The following ZC3H12B variants were observed in gnomAD, a reference collection of about 807,000 sequenced individuals.
ZC3H12B encodes probable ribonuclease ZC3H12B.
In ZC3H12B, 7 loss-of-function variants were observed where a neutral mutation model predicts 43.9. That is an observed-to-expected ratio of 0.16 (90% confidence interval 0.09 to 0.30). The LOEUF is 0.30. Ranked by LOEUF, ZC3H12B falls within the 10% of genes least tolerant of loss-of-function variation. The pLI is 1.00. For missense variants in ZC3H12B, 475 were observed against 670.2 expected (o/e 0.71, Z 3.22); for synonymous variants, 222 against 241.7 (o/e 0.92, Z 0.76).
chrX:65,198,981 C>T, the ZC3H12B span, among the ~76,000 whole-genome samples: 2 of 110,508 alleles, frequency 1.8e-5, no homozygotes, highest in East Asian at 5.7e-4. Flanking sequence ...CATGCATCGT[C>T]ACCTCACCCA....
intron 3 of ZC3H12B, among the ~76,000 whole-genome samples, chrX:65,444,238 C>G (rs1267866916): frequency 8.9e-6 from 1 of 112,256 alleles, no homozygotes; most frequent in Non-Finnish European, 1.9e-5. Context: ...ATTTTAAACT[C>G]ATAACAACTT....
the ZC3H12B span, among the ~76,000 whole-genome samples, chrX:65,091,548 A>G: frequency 2.7e-5 from 3 of 112,280 alleles, no homozygotes; most frequent in South Asian, 1.1e-3. Context: ...TTTTTTAAAT[A>G]AACCTTTTGT....
chrX:65,088,649 G>A, the ZC3H12B span, among the ~76,000 whole-genome samples: 1 of 111,856 alleles, frequency 8.9e-6, no homozygotes, highest in African/African-American at 3.2e-5. Context: ...CTTCAAATTG[G>A]TAATTTTCAA....
the ZC3H12B span, among the ~76,000 whole-genome samples, chrX:65,173,500 A>G: frequency 2.0e-4 from 22 of 111,761 alleles, no homozygotes; most frequent in Non-Finnish European, 3.8e-4. Context: ...GTCTTGTGCC[A>G]GTTTTCAAAG....
chrX:65,123,191 G>A, the ZC3H12B span, among the ~76,000 whole-genome samples: 1 of 88,420 alleles, frequency 1.1e-5, no homozygotes, highest in Admixed American at 9.9e-5. Flanking sequence ...AAATCATGTG[G>A]TTTTTGTCTT....
chrX:65,251,147 T>A, the ZC3H12B span, among the ~76,000 whole-genome samples: 1 of 112,102 alleles, frequency 8.9e-6, no homozygotes, highest in South Asian at 3.7e-4. Flanking sequence ...GTTTCAGCTT[T>A]CTACATATGG....
At chrX:65,221,913 C>T in the ZC3H12B span, among the ~76,000 whole-genome samples, 1 of 110,405 alleles carries the variant, frequency 9.1e-6, no homozygotes, top group South Asian at 3.8e-4. Context: ...AATTACAGAC[C>T]AATATTCCTG....
At chrX:65,424,251 C>T (rs773617234) in intron 3 of ZC3H12B, among the ~76,000 whole-genome samples, 6 of 112,041 alleles carry the variant, frequency 5.4e-5, no homozygotes, top group East Asian at 5.6e-4. Flanking sequence ...GTTTGTTAGC[C>T]GTACATACAC....
chrX:65,335,064 C>T, the ZC3H12B span, among the ~76,000 whole-genome samples: 2 of 111,622 alleles, frequency 1.8e-5, no homozygotes, highest in Non-Finnish European at 3.8e-5. Flanking sequence ...ATATTTCCTA[C>T]CTAGTTATTA....
the ZC3H12B span, among the ~76,000 whole-genome samples, chrX:65,090,510 C>T: frequency 8.9e-6 from 1 of 111,962 alleles, no homozygotes; most frequent in Admixed American, 9.5e-5. Flanking sequence ...TTCTTCCCTA[C>T]TCTGAACATG....
chrX:65,154,527 TTTTG>T, the ZC3H12B span, among the ~76,000 whole-genome samples: 2 of 111,902 alleles, frequency 1.8e-5, no homozygotes, highest in Non-Finnish European at 3.8e-5. Flanking sequence ...ATAATAACAG[TTTTG>T]TTTATTTCTT....
rs1025935312 is a variant in ZC3H12B, at chrX:65,386,031, G to A, written n.296-12562G>A. 2.7e-5 allele frequency among the ~76,000 whole-genome samples: 3 copies of A among 112,097 alleles called. No individual in the cohort carries two copies. The Admixed American group carries it at 2.8e-4, about 11-fold the overall frequency. On this transcript the variant is annotated intron_variant and non_coding_transcript_variant, in intron 2 of 5. Transcript: ENST00000617377. ...TGGTGGATAAGCTTTTTGATGTGCT[G>A]CTGAATTCGGTTTACCAGTATTTTA...
At chrX:65,136,371 G>T in the ZC3H12B span, among the ~76,000 whole-genome samples, 174 of 110,939 alleles carry the variant, frequency 1.6e-3, 1 homozygote, top group African/African-American at 5.0e-3. Context: ...GGTGGGAGAG[G>T]TTTATTACTG....
intron 3 of ZC3H12B, among the ~76,000 whole-genome samples, chrX:65,417,478 G>A (rs746583327): frequency 1.8e-5 from 2 of 112,396 alleles, no homozygotes; most frequent in South Asian, 7.4e-4. Flanking sequence ...ATGAGTAAAG[G>A]TGTATGAGCT....
At chrX:65,171,496 C>T in the ZC3H12B span, among the ~76,000 whole-genome samples, 2 of 111,386 alleles carry the variant, frequency 1.8e-5, no homozygotes, top group South Asian at 7.7e-4. Flanking sequence ...GTCCGAGACC[C>T]ACTTGAGGAG....
the ZC3H12B span, among the ~76,000 whole-genome samples, chrX:65,179,044 A>G: frequency 1.8e-5 from 2 of 112,139 alleles, no homozygotes; most frequent in African/African-American, 3.2e-5. Context: ...TAAAGAAAAT[A>G]TGGTACATAT....
chrX:65,256,591 C>T, the ZC3H12B span, among the ~76,000 whole-genome samples: 1 of 111,462 alleles, frequency 9.0e-6, no homozygotes, highest in East Asian at 2.8e-4. Context: ...AATTTAGAAA[C>T]ATCTTGAATT....
intron 2 of ZC3H12B, among the ~76,000 whole-genome samples, chrX:65,373,933 G>C (rs752095507): frequency 7.3e-5 from 3 of 41,303 alleles, no homozygotes; most frequent in Non-Finnish European, 6.7e-5. Flanking sequence ...TATATATATA[G>C]TATATATATA....
chrX:65,434,207 G>A (rs1199784865), intron 3 of ZC3H12B, among the ~76,000 whole-genome samples: 1 of 112,041 alleles, frequency 8.9e-6, no homozygotes, highest in African/African-American at 3.2e-5. Flanking sequence ...GGCCTGCAGA[G>A]AAAAGAAACC....
Sources: gnomAD v4.1 joint callset for allele counts (sites outside exome capture counted in the v4.1 genomes callset) on GRCh38, gnomAD v4.1.1 for gene constraint, MANE v1.5 for transcripts, NCBI Gene and HGNC (gene_info 2026-07-23, HGNC 2026-07-21) for gene names.